Variants in CAVIN1 observed in about 807,000 individuals in gnomAD.
CAVIN1 encodes caveolae-associated protein 1.
Under a neutral mutation model 24.0 loss-of-function variants are expected in CAVIN1, and 16 were observed. That is an observed-to-expected ratio of 0.67 (90% CI 0.45 to 1.01). The LOEUF (loss-of-function observed/expected upper bound fraction) is 1.01, where lower values mean the gene tolerates loss of function less well. CAVIN1 is among the 50% of genes least tolerant of loss of function. The pLI, the probability that CAVIN1 is intolerant of heterozygous loss-of-function variation, is 0.00. For missense variants in CAVIN1, 510 were observed against 551.7 expected, an observed-to-expected ratio of 0.92 and a Z score of 0.76; for synonymous variants, 256 against 256.4, an observed-to-expected ratio of 1.00 and a Z score of 0.02.
chr17:42,408,466 T>C (rs1360852341), intron 1 of CAVIN1, among the ~76,000 whole-genome samples: 1 of 148,202 alleles, frequency 6.7e-6, no homozygotes, highest in Non-Finnish European at 1.5e-5. Flanking sequence ...GAAGCAATCC[T>C]AGTGAGAGGA....
At chr17:42,408,179 G>A (rs138267964) in intron 1 of CAVIN1, among the ~76,000 whole-genome samples, 93 of 152,182 alleles carry the variant, frequency 6.1e-4, no homozygotes, top group Admixed American at 5.4e-3. Flanking sequence ...TGACAGGCAG[G>A]GAATAGTCAG....
chr17:42,418,265 CTT>C (rs1240649778), intron 1 of CAVIN1, among the ~76,000 whole-genome samples: 1 of 136,406 alleles, frequency 7.3e-6, no homozygotes, highest in East Asian at 2.2e-4. Context: ...AAGTTTCGCT[CTT>C]GTTGCCCAGG....
chr17:42,406,320 TACCC>T (rs1555586201), intron 1 of CAVIN1, among the ~76,000 whole-genome samples: 1 of 151,474 alleles, frequency 6.6e-6, no homozygotes, highest in Non-Finnish European at 1.5e-5. Context: ...CAGCTGCACC[TACCC>T]ACCCAAGCAG....
In CAVIN1 at chr17:42,423,062, C is replaced by A. The variant is rs754945040; in HGVS notation, c.36G>T (p.Pro12=). The A allele has an allele frequency of 4.4e-6, 7 of 1,604,632 alleles. No individual in the cohort carries two copies. Among genetic ancestry groups the A allele is most frequent in the Non-Finnish European group, 6.0e-6 (7 of 1,176,316 alleles). ...EDPTLYIVER[P]LPGYPDAEAP... is the part of the protein sequence containing the mutation. ...CCTCGGCGTCGGGGTACCCGGGAAG[C>A]GGCCGCTCGACAATATAGAGCGTGG... is the stretch of plus-strand genomic sequence containing the variant. The change falls in exon 1 of 2, where the codon CCG becomes CCT. Residue 12 remains proline, a synonymous_variant. Transcript: ENST00000357037.
At chr17:42,422,424 G>C (rs905371875) in intron 1 of CAVIN1, among the ~76,000 whole-genome samples, 2 of 152,078 alleles carry the variant, frequency 1.3e-5, no homozygotes, top group Non-Finnish European at 2.9e-5. Flanking sequence ...CGCGCCCCAG[G>C]AGTCCGCCGC....
chr17:42,404,794 C>G lies in CAVIN1; in HGVS notation c.1066G>C (p.Gly356Arg), dbSNP rs552276447. ...ADDDEGGAER[G>R]EAGDLRRGSS... ...CCGCGCCGCAGGTCGCCGGCCTCCC[C>G]GCGCTCCGCGCCGCCCTCGTCGTCG... Residue 356 changes from glycine to arginine, a missense_variant, in exon 2 of 2, where the codon GGG becomes CGG. By Grantham distance (125) the Gly-to-Arg change is moderately radical. Coordinates refer to ENST00000357037, the MANE Select transcript of CAVIN1 (RefSeq NM_012232.6). 5.6e-6 allele frequency: 9 copies of G among 1,602,838 alleles called. No homozygotes were observed. The highest frequency in any genetic ancestry group is 4.5e-5 in the East Asian group (2 of 44,344).
In CAVIN1 at chr17:42,422,824, C is replaced by T. The variant is rs2085562886; in HGVS notation, c.274G>A (p.Glu92Lys). Residue 92 changes from glutamate (E) to lysine (K), a missense_variant, in exon 1 of 2, where the codon GAG (glutamate) becomes AAG (lysine). By Grantham distance (56) the Glu-to-Lys change is moderately conservative. Coordinates refer to ENST00000357037, the MANE Select transcript of CAVIN1 (RefSeq NM_012232.6). ...MEGAVQSIQG[E>K]LSKLGKAHAT... ...TGCGCCTTGCCCAGCTTGCTCAGCTCGCCCTGGATGCTCTGCACTGCGCCC... is the reference window on the plus strand; with the variant it reads ...TGCGCCTTGCCCAGCTTGCTCAGCTTGCCCTGGATGCTCTGCACTGCGCCC... 3 of 1,613,790 alleles carry T rather than the reference C, an allele frequency of 1.9e-6. No individual in the cohort carries two copies. The highest frequency in any genetic ancestry group is 2.5e-6 in the Non-Finnish European group (3 of 1,179,922).
In CAVIN1 at chr17:42,422,953, C is replaced by G; in HGVS notation, c.145G>C (p.Val49Leu). 6.2e-7 allele frequency: 1 copy of G among 1,614,026 alleles called. No homozygotes were observed. Among genetic ancestry groups the G allele is most frequent in the Non-Finnish European group, 8.5e-7 (1 of 1,180,010 alleles). ...AGGCTCAGCACCAGCACGCCGTTCACCTGGTCCGACTTGATCAGCTCTTCT... is the reference window on the plus strand; with the variant it reads ...AGGCTCAGCACCAGCACGCCGTTCAGCTGGTCCGACTTGATCAGCTCTTCT... ...GSEELIKSDQ[V>L]NGVLVLSLLD... The change falls in exon 1 of 2, where the codon GTG (valine) becomes CTG (leucine). Residue 49 changes from valine (V) to leucine (L), a missense_variant. By Grantham distance (32) the Val-to-Leu change is conservative. Coordinates refer to ENST00000357037, the MANE Select transcript of CAVIN1 (RefSeq NM_012232.6).
chr17:42,412,389 CTTTTT>C (rs34186503), intron 1 of CAVIN1: 17 of 203,264 alleles, frequency 8.4e-5, no homozygotes, highest in East Asian at 2.3e-4. Context: ...AAATAAACCA[CTTTTT>C]TTTTTTTTTT....
intron 1 of CAVIN1, among the ~76,000 whole-genome samples, chr17:42,408,234 GCCCTACCCCCAGCATCCCCCGCTTCTC>G: frequency 6.6e-6 from 1 of 151,928 alleles, no homozygotes; most frequent in South Asian, 2.1e-4. Flanking sequence ...TTGTCTCTCT[GCCCTACCCCCAGCATCCCCCGCTTCTC>G]CCCTACCCCT....
rs2085425643 is a variant in CAVIN1 at position 42,403,773 on chromosome 17, A to G, written c.*914T>C. 6.6e-6 allele frequency: 1 copy of G among 152,474 alleles called. No homozygotes were observed. 9.4% of individuals were successfully genotyped at this position (152,474 alleles called of 1,614,324 possible). A position where few individuals can be genotyped will look rare whatever the true frequency, so the allele number is the denominator to read the frequency against. ...CTCCAAAGTAGCTGGGATTACAGGC[A>G]TGCGCAACCATGCCCAGCTAATTTT... is the stretch of plus-strand genomic sequence containing the variant. On this transcript the variant is annotated 3_prime_UTR_variant, in exon 2 of 2. Coordinates refer to ENST00000357037, the MANE Select transcript of CAVIN1 (RefSeq NM_012232.6).
rs531913682 is a variant in CAVIN1, at chr17:42,411,457, A to T, written c.472-6069T>A. On this transcript the variant is annotated intron_variant, in intron 1 of 1. Coordinates refer to ENST00000357037, the MANE Select transcript of CAVIN1 (RefSeq NM_012232.6). ...TGCTATAGGAAGGCCAGAGGTCCTG[A>T]GCCAGAGCCAGCTAGAATGTCCCCC... The T allele has an allele frequency of 5.2e-5, 51 of 985,360 alleles. No homozygotes were observed. The South Asian group carries it at 2.0e-3, about 39-fold the overall frequency. The allele number at this position is 985,360 out of a possible 1,614,324, so 61.0% of individuals were successfully genotyped here.
Position 42,405,040 on chromosome 17 carries a change from T to C in CAVIN1, c.820A>G (p.Met274Val). 2 of 1,614,196 alleles carry C rather than the reference T, an allele frequency of 1.2e-6. No individual in the cohort carries two copies. The highest frequency in any genetic ancestry group is 1.1e-5 in the South Asian group (1 of 91,086). Residue 274 changes from methionine (M) to valine (V), a missense_variant, in exon 2 of 2, where the codon ATG (methionine) becomes GTG (valine). Transcript: ENST00000357037. ...ACCAGGCGCGTGCCCAGCTTGTTCATGCGCTTCTCCAGGGTGTGCCGCGTC... is the reference window on the plus strand; with the variant it reads ...ACCAGGCGCGTGCCCAGCTTGTTCACGCGCTTCTCCAGGGTGTGCCGCGTC... ...EKTRHTLEKR[M>V]NKLGTRLVPA...
Position 42,403,508 on chromosome 17 carries a change from C to CT in CAVIN1, c.*1178dup, listed in dbSNP as rs1448013240. 1.3e-5 allele frequency: 2 copies of CT among 152,952 alleles called. No individual in the cohort carries two copies. The highest frequency in any genetic ancestry group is 4.8e-5 in the African/African-American group (2 of 41,442). 9.5% of individuals were successfully genotyped at this position (152,952 alleles called of 1,614,324 possible). On this transcript the variant is annotated 3_prime_UTR_variant, in exon 2 of 2. Coordinates refer to ENST00000357037, the MANE Select transcript of CAVIN1 (RefSeq NM_012232.6). ...TGGATCATCGCCTTCTCACACTGTC[C>CT]TCCCTCTTGATTCTGAAAAATGGTC...
At chr17:42,407,553 C>T (rs929960571) in intron 1 of CAVIN1, among the ~76,000 whole-genome samples, 18 of 152,136 alleles carry the variant, frequency 1.2e-4, no homozygotes, top group African/African-American at 3.9e-4. Context: ...AACTTCCTTC[C>T]CTTCTTGTCA....
chr17:42,417,151 G>C (rs912150756), intron 1 of CAVIN1, among the ~76,000 whole-genome samples: 1 of 152,140 alleles, frequency 6.6e-6, no homozygotes, highest in African/African-American at 2.4e-5. Context: ...CACAACCGTG[G>C]TCCCATAAGA....
At chr17:42,420,164 A>T (rs956299404) in intron 1 of CAVIN1, among the ~76,000 whole-genome samples, 1 of 151,984 alleles carries the variant, frequency 6.6e-6, no homozygotes, top group African/African-American at 2.4e-5. Context: ...CCCTCCAGAG[A>T]ATTCACACCA....
intron 1 of CAVIN1, among the ~76,000 whole-genome samples, chr17:42,414,633 T>C (rs8070945): frequency 0.77 from 117,556 of 151,882 alleles, 45,630 homozygotes; most frequent in East Asian, 0.87. Flanking sequence ...GGCTGAGTTG[T>C]GGAAGACTAT....
chr17:42,413,094 G>A (rs1260789224), intron 1 of CAVIN1, among the ~76,000 whole-genome samples: 3 of 150,344 alleles, frequency 2.0e-5, no homozygotes, highest in Admixed American at 6.6e-5. Flanking sequence ...ACCATGCTCA[G>A]CTAATATTTT....
Sources: allele counts gnomAD v4.1 joint callset (sites outside exome capture counted in the v4.1 genomes callset), GRCh38; gene constraint gnomAD v4.1.1; transcripts MANE v1.5; gene names NCBI Gene and HGNC (gene_info 2026-07-23, HGNC 2026-07-21).